The following ADGRE3 variants were observed in gnomAD, a reference collection of about 807,000 sequenced individuals.
ADGRE3 encodes adhesion G protein-coupled receptor E3, also known as EGF-like module receptor 3.
ADGRE3 carries 88 observed loss-of-function variants against 80.1 expected under a neutral mutation model. The ratio of observed to expected loss-of-function variants is 1.10; its 90% CI spans 0.93 to 1.31. The LOEUF (loss-of-function observed/expected upper bound fraction) is 1.31, where lower values mean the gene tolerates loss of function less well. ADGRE3 is among the 40% of genes most tolerant of loss of function. The pLI, the probability that ADGRE3 is intolerant of heterozygous loss-of-function variation, is 0.00. For missense variants in ADGRE3, 715 were observed against 776.5 expected, an observed-to-expected ratio of 0.92 and a Z score of 0.94; for synonymous variants, 281 against 294.8, an observed-to-expected ratio of 0.95 and a Z score of 0.48.
chr19:14,667,427 C>T (rs1285443741), intron 2 of ADGRE3, among the ~76,000 whole-genome samples: 1 of 151,504 alleles, frequency 6.6e-6, no homozygotes, highest in East Asian at 1.9e-4. Context: ...ATAGCAAAGA[C>T]TTGGAAACAA....
At chr19:14,650,040 C>G (rs1971542506) in intron 7 of ADGRE3, among the ~76,000 whole-genome samples, 1 of 150,844 alleles carries the variant, frequency 6.6e-6, no homozygotes, top group Non-Finnish European at 1.5e-5. Flanking sequence ...CTCCCCATCC[C>G]TCTCTTCCCA....
intron 3 of ADGRE3, 21 bp from the exon 4 acceptor site, chr19:14,662,139 T>C (rs1263437363): frequency 6.2e-7 from 1 of 1,612,760 alleles, no homozygotes; most frequent in South Asian, 1.1e-5. Context: ...AAGAAGCAAT[T>C]GGGTCATTCA....
At chr19:14,650,128 CCATCTCTCTCTACT>C (rs1971547097) in intron 7 of ADGRE3, among the ~76,000 whole-genome samples, 1 of 147,806 alleles carries the variant, frequency 6.8e-6, no homozygotes, top group East Asian at 2.1e-4. Flanking sequence ...CTCTCTCTTT[CCATCTCTCTCTACT>C]CATCTCTCTC....
chr19:14,658,576 A>C, intron 4 of ADGRE3, 26 bp from the exon 5 acceptor site: 1 of 1,533,542 alleles, frequency 6.5e-7, no homozygotes, highest in South Asian at 1.2e-5. Flanking sequence ...TGATGGAGTT[A>C]CTATTGGAAC....
At chr19:14,670,497 T>C (rs1382411169) in intron 1 of ADGRE3, among the ~76,000 whole-genome samples, 1 of 152,138 alleles carries the variant, frequency 6.6e-6, no homozygotes. Context: ...TAGAAACACA[T>C]TTTTGATGGG....
intron 11 of ADGRE3, 76 bp downstream of exon 11, chr19:14,638,029 C>T: frequency 9.6e-7 from 1 of 1,041,180 alleles, no homozygotes; most frequent in African/African-American, 1.6e-5. Flanking sequence ...CGTATATTCC[C>T]ACCATCATCA....
intron 4 of ADGRE3, among the ~76,000 whole-genome samples, chr19:14,659,202 AT>A (rs76495651): frequency 0.34 from 50,285 of 146,940 alleles, 8,801 homozygotes; most frequent in African/African-American, 0.46. Flanking sequence ...ACCTGGCTAA[AT>A]TTTTTTTTTT....
chr19:14,670,061 A>C (rs1283585300), intron 1 of ADGRE3, among the ~76,000 whole-genome samples: 2 of 152,100 alleles, frequency 1.3e-5, no homozygotes, highest in Admixed American at 1.3e-4. Context: ...GTACATCTTG[A>C]ATCTAAGAAA....
At position 14,636,076 on chromosome 19, in the gene ADGRE3, CTTTCCCTTTCTTTCTTTCTTTCTTTCTTT is replaced by C. The variant is rs1273221045; in HGVS notation, c.1484+2000_1484+2028del. Among the ~76,000 whole-genome samples, 2 of 69,064 alleles carry C rather than the reference CTTTCCCTTTCTTTCTTTCTTTCTTTCTTT, an allele frequency of 2.9e-5. 1 individual carries two copies. Among genetic ancestry groups the C allele is most frequent in the African/African-American group, 1.0e-4 (2 of 19,152 alleles). 45.3% of individuals were successfully genotyped at this position (69,064 alleles called of 152,430 possible). ...TCCTTCCTTCCTTTCCTTTCCTTTC[CTTTCCCTTTCTTTCTTTCTTTCTTTCTTT>C]CTTTCTTTCTTTCTTTCTTTCTTTC... On this transcript the variant is annotated intron_variant, in intron 11 of 15. Coordinates refer to ENST00000253673, the MANE Select transcript of ADGRE3 (RefSeq NM_032571.5).
rs776372463 is a variant in ADGRE3, at chr19:14,658,547, G to T, written c.359C>A (p.Thr120Asn). ...GCCCTCGGTTGTCTTTGAGGAGGTG[G>T]TGTCTGCAAAAGACATCATGATGGA... The part of the protein sequence containing the change: ...SNSNENTCQD[T>N]TSSKTTEGRK... The change falls in exon 5 of 16, where the codon ACC (threonine) becomes AAC (asparagine). Residue 120 changes from threonine (T) to asparagine (N), a missense_variant. Transcript: ENST00000253673. 1.3e-6 allele frequency: 2 copies of T among 1,563,356 alleles called. No individual in the cohort carries two copies. Among genetic ancestry groups the T allele is most frequent in the Admixed American group, 3.6e-5 (2 of 55,118 alleles).
At chr19:14,632,038 T>A (rs766288038) in intron 13 of ADGRE3, among the ~76,000 whole-genome samples, 2 of 152,224 alleles carry the variant, frequency 1.3e-5, no homozygotes, top group Non-Finnish European at 2.9e-5. Context: ...TACTCATACC[T>A]CAAGATATTT....
chr19:14,667,906 A>T (rs1467726164), intron 2 of ADGRE3, among the ~76,000 whole-genome samples: 1 of 152,142 alleles, frequency 6.6e-6, no homozygotes, highest in Non-Finnish European at 1.5e-5. Flanking sequence ...AATGTTGTGG[A>T]ACCATCTCCA....
chr19:14,615,871 C>T (rs752212745), downstream of ADGRE3, among the ~76,000 whole-genome samples: 18 of 152,048 alleles, frequency 1.2e-4, no homozygotes, highest in African/African-American at 3.6e-4. Flanking sequence ...GCAATCCTCC[C>T]GCCTTCGCCT....
chr19:14,629,120 C>T (rs731454), intron 14 of ADGRE3, among the ~76,000 whole-genome samples: 56,893 of 151,756 alleles, frequency 0.37, 10,993 homozygotes, highest in Admixed American at 0.43. Context: ...GATGGGGTTT[C>T]GCCATGTTCG....
intron 11 of ADGRE3, among the ~76,000 whole-genome samples, chr19:14,636,231 CT>C (rs1208244821): frequency 1.9e-5 from 2 of 107,146 alleles, no homozygotes; most frequent in Admixed American, 9.3e-5. Context: ...TTTCCTTTTT[CT>C]TTTTTTTTTC....
intron 4 of ADGRE3, among the ~76,000 whole-genome samples, chr19:14,660,678 G>C (rs1388515592): frequency 6.6e-6 from 1 of 151,646 alleles, no homozygotes; most frequent in African/African-American, 2.4e-5. Flanking sequence ...AATACCTCAT[G>C]GGTGGTCTAC....
At chr19:14,621,341 G>A (rs1269263094) in intron 15 of ADGRE3, among the ~76,000 whole-genome samples, 1 of 151,946 alleles carries the variant, frequency 6.6e-6, no homozygotes, top group Non-Finnish European at 1.5e-5. Flanking sequence ...TGTAATCCCA[G>A]CTACTGGGGA....
intron 6 of ADGRE3, among the ~76,000 whole-genome samples, chr19:14,651,909 G>T (rs1971617987): frequency 6.6e-6 from 1 of 152,092 alleles, no homozygotes; most frequent in South Asian, 2.1e-4. Flanking sequence ...GGGCATGGTG[G>T]TGTGCACCTG....
At chr19:14,662,319 A>ATAAG (rs1971970773) in intron 3 of ADGRE3, among the ~76,000 whole-genome samples, 3 of 151,922 alleles carry the variant, frequency 2.0e-5, no homozygotes, top group Non-Finnish European at 4.4e-5. Context: ...TGAGACGAGA[A>ATAAG]TATAAGTACT....
Sources: gnomAD v4.1 joint callset for allele counts (sites outside exome capture counted in the v4.1 genomes callset) on GRCh38, gnomAD v4.1.1 for gene constraint, MANE v1.5 for transcripts, NCBI Gene and HGNC (gene_info 2026-07-23, HGNC 2026-07-21) for gene names.